Variants in GGT5 observed in about 807,000 individuals in gnomAD.
GGT5 encodes the protein gamma-glutamyltransferase 5.
A neutral mutation model predicts 58.1 loss-of-function variants in GGT5; 50 were observed. The observed-to-expected ratio is 0.86, with a 90% CI of 0.69 to 1.09. The LOEUF (loss-of-function observed/expected upper bound fraction) is 1.09, where lower values mean the gene tolerates loss of function less well. Ranked by LOEUF, GGT5 falls within the 50% of genes least tolerant of loss-of-function variation. The pLI is 0.00. For missense variants in GGT5, 800 were observed against 789.4 expected (o/e 1.01, Z -0.16); for synonymous variants, 370 against 346.1 (o/e 1.07, Z -0.77).
At chr22:24,244,314 CACCCA>C in intron 1 of GGT5, 1 of 401,554 alleles carries the variant, frequency 2.5e-6, no homozygotes, top group South Asian at 3.3e-5. Context: ...CACACACACA[CACCCA>C]CCCACACATA....
chr22:24,236,125 T>C (rs1303911935), intron 1 of GGT5, among the ~76,000 whole-genome samples: 4 of 152,220 alleles, frequency 2.6e-5, no homozygotes, highest in African/African-American at 9.6e-5. Flanking sequence ...ATGCACAAGG[T>C]ACCCACTCTG....
intron 3 of GGT5, 65 bp downstream of exon 3, chr22:24,233,433 G>A (rs951672438): frequency 1.7e-5 from 15 of 868,400 alleles, no homozygotes; most frequent in Admixed American, 1.1e-4. Context: ...GCTCCTTTGC[G>A]GGGGTGTTCT....
chr22:24,233,653 C>T, intron 2 of GGT5, 60 bp from the exon 3 acceptor site: 1 of 1,014,238 alleles, frequency 9.9e-7, no homozygotes, highest in South Asian at 1.6e-5. Flanking sequence ...CTGGCCTGCT[C>T]TAGGCCTCAG....
chr22:24,237,007 C>CTTTTTTTTTTTTTTTTTTTCTTTTT (rs35060391), intron 1 of GGT5, among the ~76,000 whole-genome samples: 2 of 131,126 alleles, frequency 1.5e-5, no homozygotes, highest in Non-Finnish European at 1.6e-5. Context: ...TCTTTTCTCT[C>CTTTTTTTTTTTTTTTTTTTCTTTTT]TTTTTTTTTT....
intron 9 of GGT5, 66 bp downstream of exon 9, chr22:24,225,480 G>T: frequency 6.3e-7 from 1 of 1,592,396 alleles, no homozygotes; most frequent in Non-Finnish European, 8.6e-7. Flanking sequence ...CCCCAGCCCA[G>T]CCCCCTCCCT....
Position 24,244,653 on chromosome 22 carries a change from G to A in GGT5, c.73C>T (p.Leu25=), listed in dbSNP as rs373410702. 2 of 1,612,878 alleles carry A rather than the reference G, an allele frequency of 1.2e-6. No individual in the cohort carries two copies. Among genetic ancestry groups the A allele is most frequent in the Non-Finnish European group, 1.7e-6 (2 of 1,179,964 alleles). ...TGGTGTCGAGAGAGGACCACAGCCA[G>A]CACAATGACAGCCAGCGCCAGCCCC... ...GLGLALAVIV[L]AVVLSRHQAP... is the part of the protein sequence containing the mutation. Residue 25 remains leucine (L), a synonymous_variant, in exon 1 of 12, where the codon CTG becomes TTG. Coordinates refer to ENST00000327365, the MANE Select transcript of GGT5 (RefSeq NM_004121.5).
At chr22:24,222,630 C>T (rs191261482) in intron 11 of GGT5, among the ~76,000 whole-genome samples, 22 of 152,278 alleles carry the variant, frequency 1.4e-4, no homozygotes, top group African/African-American at 4.6e-4. Context: ...ATTCCAACTC[C>T]CCAAGGGAGC....
chr22:24,240,011 A>G (rs1452572023), intron 1 of GGT5, among the ~76,000 whole-genome samples: 1 of 152,188 alleles, frequency 6.6e-6, no homozygotes, highest in African/African-American at 2.4e-5. Context: ...GCTTGAACCC[A>G]AGAGGTGGAG....
At chr22:24,228,067 C>CAA (rs1311445310) in intron 6 of GGT5, among the ~76,000 whole-genome samples, 4 of 88,242 alleles carry the variant, frequency 4.5e-5, no homozygotes, top group Non-Finnish European at 6.3e-5. Context: ...AAAAAAAAAA[C>CAA]AAAACAAAAA....
In GGT5 at chr22:24,238,187, C is replaced by T. The variant is rs150516517; in HGVS notation, c.174-4183G>A. On this transcript the variant is annotated intron_variant, in intron 1 of 11. Coordinates refer to ENST00000327365, the MANE Select transcript of GGT5 (RefSeq NM_004121.5). ...GAGGTTGCAGGAAGCCGAGATCTTC[C>T]CACCACACCCCAGCCTGGGGGACAG... is the stretch of plus-strand genomic sequence containing the variant. Among the ~76,000 whole-genome samples, 617 of 148,672 alleles carry T rather than the reference C, an allele frequency of 4.2e-3. 5 individuals are homozygous for T. Among genetic ancestry groups the T allele is most frequent in the African/African-American group, 0.014 (570 of 40,164 alleles).
chr22:24,235,346 CTG>C (rs2048066610), intron 1 of GGT5, among the ~76,000 whole-genome samples: 2 of 152,238 alleles, frequency 1.3e-5, no homozygotes, highest in Admixed American at 6.5e-5. Context: ...GCGTGAGCCA[CTG>C]TGCCCGGCCA....
chr22:24,232,771 G>T, intron 4 of GGT5, 52 bp downstream of exon 4: 3 of 1,299,192 alleles, frequency 2.3e-6, no homozygotes, highest in South Asian at 1.6e-5. Context: ...ACTGGGCCCA[G>T]ACAGGATATG....
chr22:24,220,152 C>T, intron 11 of GGT5, 36 bp from the exon 12 acceptor site: 1 of 1,605,056 alleles, frequency 6.2e-7, no homozygotes. Context: ...CAGGGGAGGG[C>T]AGCTCAGCCC....
rs745874439 is a variant in GGT5, at chr22:24,225,014, G to A, written c.1596C>T (p.Tyr532=). Reference sequence around the variant, plus strand: ...GCCTCACCTGGCTGAAGTTGGGCTCGTACTCCACACAGCCCTTGCTGTTGA... The same window carrying A: ...GCCTCACCTGGCTGAAGTTGGGCTCATACTCCACACAGCCCTTGCTGTTGA... ...LHVNSKGCVE[Y]EPNFSQEVQR... is the part of the protein sequence containing the mutation. Residue 532 remains tyrosine, a synonymous_variant, in exon 11 of 12, where the codon TAC becomes TAT. Coordinates refer to ENST00000327365, the MANE Select transcript of GGT5 (RefSeq NM_004121.5). 30 of 1,593,318 alleles carry A rather than the reference G, an allele frequency of 1.9e-5. No homozygotes were observed. Among genetic ancestry groups the A allele is most frequent in the Middle Eastern group, 1.7e-4 (1 of 6,046 alleles).
At chr22:24,236,802 C>G (rs2048111256) in intron 1 of GGT5, among the ~76,000 whole-genome samples, 2 of 151,114 alleles carry the variant, frequency 1.3e-5, no homozygotes, top group African/African-American at 4.9e-5. Flanking sequence ...AATCAGACTT[C>G]CTGGTAATGG....
At chr22:24,231,989 A>T in intron 5 of GGT5, 62 bp downstream of exon 5, 1 of 1,411,552 alleles carries the variant, frequency 7.1e-7, no homozygotes, top group South Asian at 1.2e-5. Context: ...CTCAACCCCC[A>T]GTGCCCAGAA....
Position 24,226,061 on chromosome 22 carries a change from C to T in GGT5, c.1229+15G>A, listed in dbSNP as rs1236643299. ...GAGGAGTGAAGCCATCCGCCTTCCC[C>T]CAGGCCCTACGCACGGTGTGTTGAT... On this transcript the variant is annotated intron_variant, in intron 8 of 11. Coordinates refer to ENST00000327365, the MANE Select transcript of GGT5 (RefSeq NM_004121.5). 2 of 1,548,644 alleles carry T rather than the reference C, an allele frequency of 1.3e-6. No homozygotes were observed. The highest frequency in any genetic ancestry group is 1.8e-6 in the Non-Finnish European group (2 of 1,141,982).
At chr22:24,239,026 C>A (rs1192774514) in intron 1 of GGT5, among the ~76,000 whole-genome samples, 1 of 122,816 alleles carries the variant, frequency 8.1e-6, no homozygotes, top group East Asian at 2.3e-4. Flanking sequence ...TATTTTTTCC[C>A]AAAGATATTT....
chr22:24,229,106 A>G (rs1043422924), intron 6 of GGT5, among the ~76,000 whole-genome samples: 3 of 150,596 alleles, frequency 2.0e-5, no homozygotes, highest in Non-Finnish European at 4.4e-5. Context: ...AGAAAAAAGA[A>G]GGAATGATAT....
Sources: gnomAD v4.1 joint callset for allele counts (sites outside exome capture counted in the v4.1 genomes callset) on GRCh38, gnomAD v4.1.1 for gene constraint, MANE v1.5 for transcripts, NCBI Gene and HGNC (gene_info 2026-07-23, HGNC 2026-07-21) for gene names.